The following SPTLC2 variants were observed in gnomAD, a reference collection of about 807,000 sequenced individuals.
SPTLC2 encodes the protein serine palmitoyltransferase 2.
SPTLC2 carries 21 observed loss-of-function variants against 62.0 expected under a neutral mutation model. That is an observed-to-expected ratio of 0.34 (90% confidence interval 0.24 to 0.49). SPTLC2 has a LOEUF of 0.49. SPTLC2 is among the 20% of genes least tolerant of loss of function. The pLI, the probability that SPTLC2 is intolerant of heterozygous loss-of-function variation, is 0.99. For synonymous variants in SPTLC2, 261 were observed against 261.8 expected (o/e 1.00, Z 0.03); for missense variants, 511 against 713.0 (o/e 0.72, Z 3.23).
chr14:77,546,813 G>A (rs1232347787), intron 9 of SPTLC2, among the ~76,000 whole-genome samples: 3 of 151,682 alleles, frequency 2.0e-5, no homozygotes, highest in East Asian at 1.9e-4. Flanking sequence ...TCAGCTCACC[G>A]CAACCTCCTG....
At position 77,551,271 on chromosome 14, in the gene SPTLC2, G is replaced by A. The variant is rs1011967899; in HGVS notation, c.1303+825C>T. Among the ~76,000 whole-genome samples, 10 of 151,532 alleles carry A rather than the reference G, an allele frequency of 6.6e-5. No individual in the cohort carries two copies. In the South Asian group the frequency reaches 1.5e-3, roughly 22 times the overall value. ...TAGCCGGGCGTGGTGGCGGGCGCCT[G>A]TAGTCCCAGCTACTCGGGAGGCTGA... is the stretch of plus-strand genomic sequence containing the variant. On this transcript the variant is annotated intron_variant, in intron 9 of 11. Coordinates refer to ENST00000216484, the MANE Select transcript of SPTLC2 (RefSeq NM_004863.4).
chr14:77,519,766 G>T (rs1323292165), intron 10 of SPTLC2, among the ~76,000 whole-genome samples: 1 of 152,098 alleles, frequency 6.6e-6, no homozygotes, highest in African/African-American at 2.4e-5. Flanking sequence ...ACTCTCTGTA[G>T]TACCAGTACA....
chr14:77,554,217 A>G (rs2079570921), intron 8 of SPTLC2, among the ~76,000 whole-genome samples: 2 of 152,134 alleles, frequency 1.3e-5, no homozygotes, highest in Admixed American at 6.5e-5. Context: ...GACATACATT[A>G]TTTTTTCCCT....
intron 9 of SPTLC2, among the ~76,000 whole-genome samples, chr14:77,529,046 C>T (rs1410310785): frequency 6.6e-6 from 1 of 152,106 alleles, no homozygotes; most frequent in African/African-American, 2.4e-5. Flanking sequence ...CCATGTTGGC[C>T]AGGCTGGTCT....
At chr14:77,558,820 C>T (rs1347036739) in intron 6 of SPTLC2, among the ~76,000 whole-genome samples, 2 of 151,984 alleles carry the variant, frequency 1.3e-5, no homozygotes, top group East Asian at 3.9e-4. Flanking sequence ...TGGGGTTTCA[C>T]CATTTTGGCC....
intron 5 of SPTLC2, among the ~76,000 whole-genome samples, chr14:77,566,102 T>C (rs2079643463): frequency 6.6e-6 from 1 of 152,196 alleles, no homozygotes; most frequent in Admixed American, 6.5e-5. Flanking sequence ...TTTTCTTCTC[T>C]TTCCAGCTAA....
chr14:77,607,873 A>G (rs951716286), intron 1 of SPTLC2, among the ~76,000 whole-genome samples: 6 of 152,222 alleles, frequency 3.9e-5, no homozygotes, highest in Non-Finnish European at 8.8e-5. Context: ...ACCCTTTAGC[A>G]CAACCTGCAG....
intron 1 of SPTLC2, among the ~76,000 whole-genome samples, chr14:77,604,211 C>A (rs867112373): frequency 1.1e-4 from 16 of 152,292 alleles, no homozygotes; most frequent in Middle Eastern, 3.4e-3. Flanking sequence ...AATCCAACAA[C>A]CCTCTTTTAT....
chr14:77,532,725 A>G (rs1270848400), intron 9 of SPTLC2, among the ~76,000 whole-genome samples: 1 of 152,108 alleles, frequency 6.6e-6, no homozygotes, highest in African/African-American at 2.4e-5. Flanking sequence ...CGGAGCTTGC[A>G]GTGAGCCGAG....
chr14:77,594,500 C>A (rs572524067), intron 2 of SPTLC2, among the ~76,000 whole-genome samples: 2 of 152,368 alleles, frequency 1.3e-5, no homozygotes, highest in Admixed American at 6.5e-5. Context: ...GTGGCTCACT[C>A]CTATAATCCC....
intron 9 of SPTLC2, among the ~76,000 whole-genome samples, chr14:77,533,520 C>T (rs982538027): frequency 1.3e-5 from 2 of 152,072 alleles, no homozygotes; most frequent in Admixed American, 6.6e-5. Flanking sequence ...TTAAAAGGGG[C>T]GAAGCTGAGC....
chr14:77,539,482 G>GTTTT (rs2079488215), intron 9 of SPTLC2, among the ~76,000 whole-genome samples: 3 of 84,654 alleles, frequency 3.5e-5, no homozygotes, highest in African/African-American at 1.2e-4. Flanking sequence ...ATCTTAAGAG[G>GTTTT]CTTTTTTTTT....
intron 2 of SPTLC2, among the ~76,000 whole-genome samples, chr14:77,593,637 T>C (rs17751889): frequency 0.065 from 9,921 of 152,294 alleles, 494 homozygotes; most frequent in Middle Eastern, 0.11. Context: ...TCATGTGATT[T>C]AGTTGTATTC....
At chr14:77,572,179 G>C (rs1475111885) in intron 4 of SPTLC2, among the ~76,000 whole-genome samples, 1 of 152,196 alleles carries the variant, frequency 6.6e-6, no homozygotes, top group African/African-American at 2.4e-5. Flanking sequence ...CACAGGATTA[G>C]ATCACAAGGC....
Position 77,599,090 on chromosome 14 carries a change from A to G in SPTLC2, c.133-1710T>C, listed in dbSNP as rs2079863878. ...TATCCCTTGTTTTAACCTTTGGGAT[A>G]CTTGGATTTTAATACACAAAAACCA... On this transcript the variant is annotated intron_variant, in intron 1 of 11. Transcript: ENST00000216484. 2.0e-5 allele frequency among the ~76,000 whole-genome samples: 3 copies of G among 152,340 alleles called. 1 individual carries two copies. The South Asian group carries it at 6.2e-4, about 32-fold the overall frequency.
At chr14:77,582,333 C>T (rs1055601681) in intron 2 of SPTLC2, among the ~76,000 whole-genome samples, 3 of 152,188 alleles carry the variant, frequency 2.0e-5, no homozygotes, top group African/African-American at 7.2e-5. Context: ...AGATTACAGG[C>T]ATGAGCTATG....
At chr14:77,559,281 C>G (rs1260911534) in intron 6 of SPTLC2, among the ~76,000 whole-genome samples, 1 of 152,108 alleles carries the variant, frequency 6.6e-6, no homozygotes, top group African/African-American at 2.4e-5. Flanking sequence ...CAAGATCACG[C>G]CACTGCCCTC....
At position 77,579,006 on chromosome 14, in the gene SPTLC2, G is replaced by C. The variant is rs1165770670; in HGVS notation, c.431C>G (p.Ala144Gly). 1 of 1,613,978 alleles carries C rather than the reference G, an allele frequency of 6.2e-7. No individual in the cohort carries two copies. Among genetic ancestry groups the C allele is most frequent in the South Asian group, 1.1e-5 (1 of 91,076 alleles). The change falls in exon 3 of 12, where the codon GCC becomes GGC. Residue 144 changes from alanine to glycine, a missense_variant. By Grantham distance (60) the Ala-to-Gly change is moderately conservative. Coordinates refer to ENST00000216484, the MANE Select transcript of SPTLC2 (RefSeq NM_004863.4). Reference protein sequence around the residue: ...WNRPICSVPGARVDIMERQSH... With the variant: ...WNRPICSVPGGRVDIMERQSH... ...CTGTCTCTCCATGATGTCCACCCTG[G>C]CTCCAGGCACACTACAGATTGGCCG...
At chr14:77,593,418 C>G (rs1425462981) in intron 2 of SPTLC2, among the ~76,000 whole-genome samples, 1 of 152,148 alleles carries the variant, frequency 6.6e-6, no homozygotes, top group Non-Finnish European at 1.5e-5. Context: ...TTTATTAATT[C>G]AAGCTTTTGC....
Sources: gnomAD v4.1 joint callset for allele counts (sites outside exome capture counted in the v4.1 genomes callset) on GRCh38, gnomAD v4.1.1 for gene constraint, MANE v1.5 for transcripts, NCBI Gene and HGNC (gene_info 2026-07-23, HGNC 2026-07-21) for gene names.